The following SLC25A28 variants were observed in gnomAD, a reference collection of about 807,000 sequenced individuals.
SLC25A28 encodes solute carrier family 25 member 28.
A neutral mutation model predicts 31.9 loss-of-function variants in SLC25A28; 10 were observed. That is an observed-to-expected ratio of 0.31 (90% CI 0.19 to 0.53). The LOEUF (loss-of-function observed/expected upper bound fraction) is 0.53, where lower values mean the gene tolerates loss of function less well. Ranked by LOEUF, SLC25A28 falls within the 20% of genes least tolerant of loss-of-function variation. SLC25A28 has a pLI of 0.95. For missense variants in SLC25A28, 256 were observed against 490.3 expected, an observed-to-expected ratio of 0.52 and a Z score of 4.51; for synonymous variants, 208 against 203.6, an observed-to-expected ratio of 1.02 and a Z score of -0.19.
At chr10:99,615,226 G>A (rs1236468757) in intron 1 of SLC25A28, among the ~76,000 whole-genome samples, 4 of 151,982 alleles carry the variant, frequency 2.6e-5, no homozygotes, top group Non-Finnish European at 5.9e-5. Context: ...GCATGGTGGT[G>A]TGCACCTGTA....
In SLC25A28 at chr10:99,611,275, G is replaced by T; in HGVS notation, c.669C>A (p.Ala223=). The T allele has an allele frequency of 1.2e-6, 2 of 1,614,144 alleles. No individual in the cohort carries two copies. Among genetic ancestry groups the T allele is most frequent in the Non-Finnish European group, 8.5e-7 (1 of 1,180,032 alleles). The change falls in exon 4 of 4, where the codon GCC becomes GCA. Residue 223 remains alanine (A), a synonymous_variant. Transcript: ENST00000370495. The surrounding 1 kb of genome is among the most constrained non-coding windows in gnomAD (Gnocchi z 5.5). Reference sequence around the variant, plus strand: ...GCTGGGTGGTGTAGCTGCGGTAAAAGGCCCCGGCCCCTTCATTTTGCCACA... The same window carrying T: ...GCTGGGTGGTGTAGCTGCGGTAAAATGCCCCGGCCCCTTCATTTTGCCACA... ...RAVWQNEGAG[A]FYRSYTTQLT... is the part of the protein sequence containing the mutation.
chr10:99,622,606 A>G (rs2034817514), upstream of SLC25A28: 3 of 978,502 alleles, frequency 3.1e-6, no homozygotes, highest in South Asian at 9.4e-5. Flanking sequence ...GTTTTTCTTA[A>G]CAGAGATAAC....
At chr10:99,632,081 A>G in the SLC25A28 span, among the ~76,000 whole-genome samples, 1 of 150,396 alleles carries the variant, frequency 6.6e-6, no homozygotes, top group African/African-American at 2.4e-5. Flanking sequence ...TATTTTTAGT[A>G]GAGACGGGGT....
chr10:99,654,675 C>CAACAAG, the SLC25A28 span, among the ~76,000 whole-genome samples: 1 of 151,580 alleles, frequency 6.6e-6, no homozygotes, highest in South Asian at 2.1e-4. Context: ...ACAACAACAA[C>CAACAAG]AACAAAAAGA....
chr10:99,624,143 CTTT>C (rs1554962151), upstream of SLC25A28, among the ~76,000 whole-genome samples: 6 of 34,882 alleles, frequency 1.7e-4, no homozygotes, highest in South Asian at 3.5e-3. Flanking sequence ...CCTGTCTTCT[CTTT>C]TTCTTTCTTT....
chr10:99,634,108 C>A, the SLC25A28 span, among the ~76,000 whole-genome samples: 1 of 152,188 alleles, frequency 6.6e-6, no homozygotes, highest in Non-Finnish European at 1.5e-5. Context: ...GAGAGTACTA[C>A]ATCAAGGGAA....
At chr10:99,627,447 T>G in the SLC25A28 span, among the ~76,000 whole-genome samples, 1,297 of 151,048 alleles carry the variant, frequency 8.6e-3, 20 homozygotes, top group African/African-American at 0.03. Context: ...TCATCTTGTT[T>G]TTTTTTTTTT....
the SLC25A28 span, among the ~76,000 whole-genome samples, chr10:99,640,547 C>T: frequency 9.2e-5 from 14 of 152,026 alleles, no homozygotes; most frequent in Admixed American, 3.3e-4. Context: ...TATATATTTA[C>T]GGGATACAAG....
chr10:99,652,366 G>T, the SLC25A28 span, among the ~76,000 whole-genome samples: 426 of 152,292 alleles, frequency 2.8e-3, 2 homozygotes, highest in Non-Finnish European at 4.9e-3. Flanking sequence ...AAGCAGGGGG[G>T]CCTGAGAACA....
chr10:99,648,425 G>A, the SLC25A28 span, among the ~76,000 whole-genome samples: 1 of 151,952 alleles, frequency 6.6e-6, no homozygotes, highest in Non-Finnish European at 1.5e-5. Flanking sequence ...GGATTGCTCT[G>A]GCTATTCAGG....
chr10:99,642,541 T>C, the SLC25A28 span, among the ~76,000 whole-genome samples: 1 of 152,182 alleles, frequency 6.6e-6, no homozygotes, highest in Admixed American at 6.5e-5. Flanking sequence ...CCTCTTTTCC[T>C]AATTGAATAC....
intron 1 of SLC25A28, chr10:99,616,403 G>A: frequency 5.4e-6 from 5 of 918,766 alleles, no homozygotes; most frequent in Non-Finnish European, 6.5e-6. Context: ...AAAGCCATTG[G>A]TAATTTATAA....
chr10:99,622,081 G>C (rs1009659500), upstream of SLC25A28, among the ~76,000 whole-genome samples: 1 of 152,110 alleles, frequency 6.6e-6, no homozygotes, highest in African/African-American at 2.4e-5. Flanking sequence ...CACTGTGAAG[G>C]CCGAGGTGGG....
intron 1 of SLC25A28, chr10:99,618,940 T>C (rs1477469981): frequency 1.0e-6 from 1 of 985,326 alleles, no homozygotes; most frequent in African/African-American, 1.7e-5. Flanking sequence ...AGCTGCCAGG[T>C]CACTGTTTGA....
chr10:99,630,737 G>C, the SLC25A28 span, among the ~76,000 whole-genome samples: 1 of 152,138 alleles, frequency 6.6e-6, no homozygotes. Flanking sequence ...ATCCACGCAT[G>C]GTCTCTTCTC....
At position 99,611,455 on chromosome 10, in the gene SLC25A28, T is replaced by G. The variant is rs932810281; in HGVS notation, c.578-89A>C. On this transcript the variant is annotated intron_variant, in intron 3 of 3. Transcript: ENST00000370495. This position sits in a 1 kb window ranked among gnomAD's most constrained non-coding sequence, Gnocchi z 5.5. ...AGATTCAGAGCCCCAAGTCAGCAGATCAGCCAATGGAATAGAGAGAGAAAA... is the reference window on the plus strand; with the variant it reads ...AGATTCAGAGCCCCAAGTCAGCAGAGCAGCCAATGGAATAGAGAGAGAAAA... 1 of 1,501,466 alleles carries G rather than the reference T, an allele frequency of 6.7e-7. No homozygotes were observed. Among genetic ancestry groups the G allele is most frequent in the Non-Finnish European group, 9.1e-7 (1 of 1,104,708 alleles). The allele number at this position is 1,501,466 out of a possible 1,614,324, so 93.0% of individuals were successfully genotyped here. A position where few individuals can be genotyped will look rare whatever the true frequency, so the allele number is the denominator to read the frequency against.
At chr10:99,655,918 A>C in the SLC25A28 span, among the ~76,000 whole-genome samples, 3 of 152,228 alleles carry the variant, frequency 2.0e-5, no homozygotes, top group South Asian at 6.2e-4. Flanking sequence ...GCCTACTTCT[A>C]GAATAGGCTA....
the SLC25A28 span, among the ~76,000 whole-genome samples, chr10:99,658,193 T>TTAAG: frequency 6.6e-6 from 1 of 152,030 alleles, no homozygotes; most frequent in Admixed American, 6.6e-5. Flanking sequence ...CTGTAGGTAA[T>TTAAG]TAAGTAAGTA....
chr10:99,610,815 G>A lies in SLC25A28; in HGVS notation c.*34C>T, dbSNP rs764083339. The A allele has an allele frequency of 9.4e-6, 15 of 1,593,378 alleles. No individual in the cohort carries two copies. The highest frequency in any genetic ancestry group is 1.0e-5 in the Non-Finnish European group (12 of 1,167,596). The stretch of plus-strand genomic sequence containing the variant: ...GAGAATGTGACCAGGATGCAGCAGT[G>A]TCATCTGAACCCCTGGCTTCGTTCA... On this transcript the variant is annotated 3_prime_UTR_variant, in exon 4 of 4. Coordinates refer to ENST00000370495, the MANE Select transcript of SLC25A28 (RefSeq NM_031212.4).
Sources: gnomAD v4.1 joint callset for allele counts (sites outside exome capture counted in the v4.1 genomes callset) on GRCh38, gnomAD v4.1.1 for gene constraint, Gnocchi (gnomAD v3.1) non-coding constraint, MANE v1.5 for transcripts, NCBI Gene and HGNC (gene_info 2026-07-23, HGNC 2026-07-21) for gene names.